The following MCCC1 variants were observed in gnomAD, a reference collection of about 807,000 sequenced individuals.
The protein encoded by MCCC1 is methylcrotonyl-CoA carboxylase subunit 1, also known as methylcrotonoyl-CoA carboxylase subunit alpha, mitochondrial.
In MCCC1, 64 loss-of-function variants were observed where a neutral mutation model predicts 83.8. The observed-to-expected ratio is 0.76, with a 90% confidence interval of 0.62 to 0.94. MCCC1 has a LOEUF of 0.94. Among genes scored for constraint, MCCC1 ranks in the 40% least tolerant of loss-of-function variants. The pLI is 0.00. For missense variants in MCCC1, 807 were observed against 904.7 expected (o/e 0.89, Z 1.39); for synonymous variants, 322 against 315.4 (o/e 1.02, Z -0.22).
chr3:183,021,588 C>T (rs9877655), intron 16 of MCCC1, among the ~76,000 whole-genome samples: 33,692 of 152,056 alleles, frequency 0.22, 4,309 homozygotes, highest in East Asian at 0.58. Flanking sequence ...GAGAGTTTAA[C>T]GGCCAAGGTC....
intron 2 of MCCC1, among the ~76,000 whole-genome samples, chr3:183,093,464 A>G (rs1333296228): frequency 6.6e-6 from 1 of 152,170 alleles, no homozygotes; most frequent in Non-Finnish European, 1.5e-5. Context: ...CCCTATGTAC[A>G]TAGGTGTGTG....
At chr3:183,091,537 C>T (rs915525678) in intron 3 of MCCC1, among the ~76,000 whole-genome samples, 8 of 152,100 alleles carry the variant, frequency 5.3e-5, no homozygotes, top group African/African-American at 1.9e-4. Context: ...CACTACACTC[C>T]AGCCTGGGCA....
At chr3:183,112,174 G>A (rs1232044214) in intron 1 of MCCC1, among the ~76,000 whole-genome samples, 3 of 152,068 alleles carry the variant, frequency 2.0e-5, no homozygotes, top group African/African-American at 7.2e-5. Flanking sequence ...TTTAAATTAA[G>A]CTCTATGACT....
intron 13 of MCCC1, among the ~76,000 whole-genome samples, chr3:183,034,776 C>A (rs1394993098): frequency 9.6e-6 from 1 of 104,418 alleles, no homozygotes; most frequent in Non-Finnish European, 2.8e-5. Flanking sequence ...CCCTTATAGG[C>A]CTTTTTTTTT....
At chr3:183,015,599 T>A (rs778958989) in intron 18 of MCCC1, 33 bp from the exon 19 acceptor site, 1 of 1,613,716 alleles carries the variant, frequency 6.2e-7, no homozygotes, top group Non-Finnish European at 8.5e-7. Context: ...AAATGATAGC[T>A]GCAATACTAA....
chr3:183,062,066 C>T (rs1044110700), intron 7 of MCCC1, among the ~76,000 whole-genome samples: 118 of 152,306 alleles, frequency 7.7e-4, no homozygotes, highest in Middle Eastern at 6.8e-3. Context: ...ATGTAAGACA[C>T]GCCTTTGCTT....
upstream of MCCC1, among the ~76,000 whole-genome samples, chr3:183,101,073 C>A (rs1191496980): frequency 6.6e-6 from 1 of 152,262 alleles, no homozygotes; most frequent in East Asian, 1.9e-4. Context: ...CTGAGTCCCC[C>A]AGCAGTGCTG....
chr3:183,027,945 A>G (rs1712744478), intron 14 of MCCC1, among the ~76,000 whole-genome samples: 1 of 152,324 alleles, frequency 6.6e-6, no homozygotes, highest in South Asian at 2.1e-4. Flanking sequence ...TAATTGATAA[A>G]TGTGGCTACA....
At chr3:183,023,100 T>C (rs1031143686) in intron 15 of MCCC1, among the ~76,000 whole-genome samples, 1 of 152,134 alleles carries the variant, frequency 6.6e-6, no homozygotes, top group African/African-American at 2.4e-5. Context: ...TGGCCATAAT[T>C]TTCTCACTCT....
upstream of MCCC1, among the ~76,000 whole-genome samples, chr3:183,102,167 C>T (rs142179670): frequency 6.6e-6 from 1 of 152,054 alleles, no homozygotes; most frequent in Admixed American, 6.5e-5. Context: ...AGTTTGAGAC[C>T]AGCCTGGGCA....
chr3:183,087,928 G>GTGGAGC (rs1346515148), intron 3 of MCCC1, among the ~76,000 whole-genome samples: 2 of 150,700 alleles, frequency 1.3e-5, no homozygotes, highest in African/African-American at 4.9e-5. Context: ...GATCAAGAAT[G>GTGGAGC]TGGAGCTGAG....
chr3:183,051,357 T>C (rs1714961632), intron 9 of MCCC1, among the ~76,000 whole-genome samples: 1 of 152,014 alleles, frequency 6.6e-6, no homozygotes, highest in African/African-American at 2.4e-5. Flanking sequence ...AGAAATGAGC[T>C]ATCAAGCCAT....
intron 7 of MCCC1, among the ~76,000 whole-genome samples, chr3:183,070,642 A>G (rs1431667233): frequency 6.6e-6 from 1 of 152,080 alleles, no homozygotes; most frequent in Non-Finnish European, 1.5e-5. Flanking sequence ...CTGAGGCAGG[A>G]CAATCGCTTG....
intron 8 of MCCC1, among the ~76,000 whole-genome samples, chr3:183,054,493 A>C (rs1049878727): frequency 6.6e-6 from 1 of 152,112 alleles, no homozygotes; most frequent in African/African-American, 2.4e-5. Flanking sequence ...GGCCTAGAAA[A>C]AATATTTTTG....
upstream of MCCC1, among the ~76,000 whole-genome samples, chr3:183,103,249 C>A (rs553339050): frequency 7.2e-5 from 11 of 152,022 alleles, no homozygotes; most frequent in South Asian, 2.3e-3. Flanking sequence ...TTGCAAAGAG[C>A]GAAAGAACAA....
At chr3:183,095,926 C>T (rs1156584570) in intron 1 of MCCC1, among the ~76,000 whole-genome samples, 2 of 152,180 alleles carry the variant, frequency 1.3e-5, no homozygotes, top group East Asian at 3.8e-4. Flanking sequence ...GAAGTCTCAA[C>T]AATTTTTAAG....
intron 4 of MCCC1, among the ~76,000 whole-genome samples, chr3:183,078,518 T>G (rs1041279078): frequency 2.0e-5 from 3 of 152,096 alleles, no homozygotes; most frequent in Non-Finnish European, 4.4e-5. Flanking sequence ...AGTGTTCTGA[T>G]GAAATATCTG....
In MCCC1 at chr3:183,114,502, A is replaced by G. The variant is rs541598159; in HGVS notation, c.-102+972T>C. Among the ~76,000 whole-genome samples, 17 of 152,310 alleles carry G rather than the reference A, an allele frequency of 1.1e-4. No homozygotes were observed. The East Asian group carries it at 2.5e-3, about 23-fold the overall frequency. On this transcript the variant is annotated intron_variant, in intron 1 of 17. Transcript: ENST00000492597. ...TGTCAGAATTGAATTGAAGGAAGCC[A>G]TCTGGTGTCCACTGCAGAACTGATG... is the stretch of plus-strand genomic sequence containing the variant.
At chr3:183,072,003 G>T (rs1422696257) in intron 5 of MCCC1, among the ~76,000 whole-genome samples, 2 of 151,558 alleles carry the variant, frequency 1.3e-5, no homozygotes, top group African/African-American at 2.4e-5. Context: ...CAAGATGCTG[G>T]ACCCACAGGC....
Sources: allele counts gnomAD v4.1 joint callset (sites outside exome capture counted in the v4.1 genomes callset), GRCh38; gene constraint gnomAD v4.1.1; transcripts MANE v1.5; gene names NCBI Gene and HGNC (gene_info 2026-07-23, HGNC 2026-07-21).